Variants in DSN1 observed in about 807,000 individuals in gnomAD.
DSN1 encodes DSN1 component of MIS12 kinetochore complex.
A neutral mutation model predicts 45.7 loss-of-function variants in DSN1; 31 were observed. The observed-to-expected ratio is 0.68, with a 90% confidence interval of 0.51 to 0.92. DSN1 has a LOEUF of 0.92. Ranked by LOEUF, DSN1 falls within the 40% of genes least tolerant of loss-of-function variation. The pLI is 0.00. For missense variants in DSN1, 394 were observed against 414.2 expected (o/e 0.95, Z 0.42); for synonymous variants, 134 against 142.3 (o/e 0.94, Z 0.41).
intron 9 of DSN1, 151 bp downstream of exon 9, chr20:36,755,531 A>G: frequency 1.1e-6 from 1 of 924,466 alleles, no homozygotes; most frequent in Non-Finnish European, 1.6e-6. Context: ...TTTGTTTATT[A>G]TTTTTTAATT....
intron 1 of DSN1, 121 bp from the exon 2 acceptor site, chr20:36,771,594 A>G: frequency 1.3e-6 from 1 of 767,744 alleles, no homozygotes; most frequent in Non-Finnish European, 2.1e-6. Context: ...ACCCTTATCC[A>G]CCTCCCTGAC....
chr20:36,763,836 G>A (rs144159336), intron 5 of DSN1, among the ~76,000 whole-genome samples: 2,358 of 129,010 alleles, frequency 0.018, 56 homozygotes, highest in African/African-American at 0.065. Context: ...GCAGTGAGCC[G>A]AGATTGCACC....
rs184199274 is a variant in DSN1 at position 36,752,264 on chromosome 20, G to A, written c.*524C>T. On this transcript the variant is annotated 3_prime_UTR_variant, in exon 11 of 11. Coordinates refer to ENST00000373750, the MANE Select transcript of DSN1 (RefSeq NM_001145315.2). ...AGACAGGGTTTCACCTTATTTCTCA[G>A]GCTGGTCTTCAACTTCTGGGCTCAA... The A allele has an allele frequency of 2.0e-5, 3 of 152,304 alleles. No individual in the cohort carries two copies. Among genetic ancestry groups the A allele is most frequent in the East Asian group, 3.9e-4 (2 of 5,182 alleles). The allele number at this position is 152,304 out of a possible 1,614,324, so 9.4% of individuals were successfully genotyped here.
intron 2 of DSN1, 57 bp from the exon 3 acceptor site, chr20:36,771,250 TG>T: frequency 6.5e-7 from 1 of 1,546,484 alleles, no homozygotes; most frequent in Non-Finnish European, 8.7e-7. Flanking sequence ...CAACTATTTG[TG>T]CAAAAAAGTG....
intron 3 of DSN1, among the ~76,000 whole-genome samples, chr20:36,768,346 T>C (rs1287730076): frequency 2.0e-5 from 3 of 152,178 alleles, no homozygotes; most frequent in African/African-American, 7.2e-5. Context: ...AGCTGGAGAC[T>C]AGTCTGGACA....
At chr20:36,769,091 G>C (rs1055741244) in intron 3 of DSN1, among the ~76,000 whole-genome samples, 1 of 152,210 alleles carries the variant, frequency 6.6e-6, no homozygotes, top group Non-Finnish European at 1.5e-5. Context: ...AGGTCATAGA[G>C]TGAGTTATTA....
chr20:36,765,846 TA>T (rs72491027), intron 5 of DSN1, among the ~76,000 whole-genome samples: 7,590 of 69,404 alleles, frequency 0.11, 621 homozygotes, highest in African/African-American at 0.31. Context: ...AGCAAAAGAC[TA>T]AAAAAAAAAA....
intron 9 of DSN1, 21 bp downstream of exon 9, chr20:36,755,661 A>G (rs1304982358): frequency 1.9e-6 from 3 of 1,605,660 alleles, no homozygotes; most frequent in Non-Finnish European, 2.5e-6. Context: ...AACTCAACTA[A>G]ATAAACATGA....
Position 36,752,719 on chromosome 20 carries a change from C to A in DSN1, c.*69G>T. The A allele has an allele frequency of 1.6e-6, 2 of 1,283,448 alleles. No individual in the cohort carries two copies. Among genetic ancestry groups the A allele is most frequent in the South Asian group, 2.4e-5 (2 of 82,942 alleles). 79.5% of individuals were successfully genotyped at this position (1,283,448 alleles called of 1,614,324 possible). A position where few individuals can be genotyped will look rare whatever the true frequency, so the allele number is the denominator to read the frequency against. Reference sequence around the variant, plus strand: ...AGGCAACGAGCAGAAATCACGCAGTCACCACGTGCTGGGGCACTCTTCCCA... The same window carrying A: ...AGGCAACGAGCAGAAATCACGCAGTAACCACGTGCTGGGGCACTCTTCCCA... On this transcript the variant is annotated 3_prime_UTR_variant, in exon 11 of 11. Transcript: ENST00000373750.
At chr20:36,758,648 C>A in intron 6 of DSN1, 31 bp from the exon 7 acceptor site, 1 of 1,568,772 alleles carries the variant, frequency 6.4e-7, no homozygotes, top group Non-Finnish European at 8.7e-7. Flanking sequence ...TGACATAAAT[C>A]TTTCAAGAAA....
In DSN1 at chr20:36,766,812, T is replaced by C; in HGVS notation, c.459A>G (p.Leu153=). 1 of 1,608,010 alleles carries C rather than the reference T, an allele frequency of 6.2e-7. No homozygotes were observed. Among genetic ancestry groups the C allele is most frequent in the East Asian group, 2.2e-5 (1 of 44,716 alleles). The part of the protein sequence containing the change: ...QFSIQKLEPF[L]RDTKGFSLES... ...CAAGACTGAAGCCCTTAGTGTCCCT[T>C]AGGAAAGGTTCAAGTTTCTGAATAG... Residue 153 remains leucine, a synonymous_variant, in exon 5 of 11, where the codon CTA becomes CTG. Transcript: ENST00000373750.
At chr20:36,773,603 C>T in intron 1 of DSN1, 59 bp downstream of exon 1, 1 of 985,712 alleles carries the variant, frequency 1.0e-6, no homozygotes, top group East Asian at 1.1e-4. Flanking sequence ...GCGGGCGGGG[C>T]CACATCAGAG....
intron 4 of DSN1, among the ~76,000 whole-genome samples, chr20:36,767,469 T>C: frequency 6.6e-6 from 1 of 151,714 alleles, no homozygotes; most frequent in East Asian, 1.9e-4. Context: ...TAATACACAA[T>C]ACACCTTAAA....
Position 36,752,757 on chromosome 20 carries a change from T to C in DSN1, c.*31A>G. On this transcript the variant is annotated 3_prime_UTR_variant, in exon 11 of 11. Transcript: ENST00000373750. ...GGCACTCTTCCCATTCCTCTCCTCT[T>C]GGGCACCTTGTGGCAGAAACTCTCA... is the stretch of plus-strand genomic sequence containing the variant. 1 of 1,586,972 alleles carries C rather than the reference T, an allele frequency of 6.3e-7. No homozygotes were observed.
rs532163592 is a variant in DSN1 at position 36,767,503 on chromosome 20, C to T, written c.429+466G>A. Among the ~76,000 whole-genome samples the T allele has an allele frequency of 2.6e-5, 4 of 152,246 alleles. No homozygotes were observed. The South Asian group carries it at 8.3e-4, about 32-fold the overall frequency. On this transcript the variant is annotated intron_variant, in intron 4 of 10. Coordinates refer to ENST00000373750, the MANE Select transcript of DSN1 (RefSeq NM_001145315.2). ...AAAAAAGGCTGGGCACGGTGGCTCA[C>T]ACCTGTAATCCTAGCACTTTGGGAG...
intron 3 of DSN1, among the ~76,000 whole-genome samples, chr20:36,769,902 TACACACACACACACACACACACACAC>T (rs66970744): frequency 8.5e-5 from 10 of 117,268 alleles, no homozygotes; most frequent in Non-Finnish European, 1.3e-4. Flanking sequence ...TCACTGTAGA[TACACACACACACACACACACACACAC>T]ACACACACAC....
chr20:36,759,279 C>A (rs1197997350), intron 6 of DSN1, among the ~76,000 whole-genome samples: 2 of 152,082 alleles, frequency 1.3e-5, no homozygotes, highest in African/African-American at 2.4e-5. Context: ...CCACACCCAG[C>A]CTTTTATTTA....
At chr20:36,755,092 C>G (rs1986601682) in intron 9 of DSN1, among the ~76,000 whole-genome samples, 1 of 152,172 alleles carries the variant, frequency 6.6e-6, no homozygotes, top group African/African-American at 2.4e-5. Flanking sequence ...TGGGAAGGAG[C>G]TGAACGAGTC....
At chr20:36,770,810 T>G in intron 3 of DSN1, 63 bp downstream of exon 3, 24 of 1,520,706 alleles carry the variant, frequency 1.6e-5, no homozygotes, top group Non-Finnish European at 1.9e-5. Context: ...GCCTCTTATC[T>G]GAGCTGGAAC....
Sources: gnomAD v4.1 joint callset for allele counts (sites outside exome capture counted in the v4.1 genomes callset) on GRCh38, gnomAD v4.1.1 for gene constraint, MANE v1.5 for transcripts, NCBI Gene and HGNC (gene_info 2026-07-23, HGNC 2026-07-21) for gene names.